Variants in CAMK2D observed in about 807,000 individuals in gnomAD.
CAMK2D encodes calcium/calmodulin-dependent protein kinase type II subunit delta.
A neutral mutation model predicts 84.0 loss-of-function variants in CAMK2D; 37 were observed. The ratio of observed to expected loss-of-function variants is 0.44; its 90% CI spans 0.34 to 0.58. The LOEUF (loss-of-function observed/expected upper bound fraction) is 0.58. CAMK2D is among the 20% of genes least tolerant of loss of function. CAMK2D has a pLI of 0.02. For synonymous variants in CAMK2D, 202 were observed against 212.5 expected, an observed-to-expected ratio of 0.95 and a Z score of 0.43; for missense variants, 448 against 652.5, an observed-to-expected ratio of 0.69 and a Z score of 3.41.
chr4:113,570,963 C>T (rs530531487), intron 4 of CAMK2D, among the ~76,000 whole-genome samples: 2 of 152,040 alleles, frequency 1.3e-5, no homozygotes, highest in Non-Finnish European at 2.9e-5. Context: ...AAACAAATAA[C>T]CTGATTAAAA....
In CAMK2D at chr4:113,571,949, C is replaced by T. The variant is rs574021836; in HGVS notation, c.276-19853G>A. On this transcript the variant is annotated intron_variant, in intron 4 of 20. Transcript: ENST00000511664. ...AAATTCAATTAACTCAAACAACATA[C>T]TCTCGAAAAACTTCAAGAGCCAACA... Among the ~76,000 whole-genome samples the T allele has an allele frequency of 3.9e-5, 6 of 152,278 alleles. No homozygotes were observed. In the South Asian group the frequency reaches 1.2e-3, roughly 32 times the overall value.
intron 2 of CAMK2D, among the ~76,000 whole-genome samples, chr4:113,751,235 C>A (rs932694773): frequency 2.6e-5 from 4 of 152,036 alleles, no homozygotes; most frequent in African/African-American, 7.3e-5. Flanking sequence ...TAACAAATAA[C>A]CCTCAGCAGA....
At position 113,461,216 on chromosome 4, in the gene CAMK2D, G is replaced by A. The variant is rs185683075; in HGVS notation, c.1212-975C>T. ...CCTAGAAATATGATTCAATAAAGGG[G>A]TGCACAATTTTAAATATTTGGAAAA... On this transcript the variant is annotated intron_variant, in intron 17 of 20. Coordinates refer to ENST00000511664, the MANE Select transcript of CAMK2D (RefSeq NM_001321571.2). Among the ~76,000 whole-genome samples, 1,030 of 152,204 alleles carry A rather than the reference G, an allele frequency of 6.8e-3. 7 individuals carry two copies. The highest frequency in any genetic ancestry group is 0.011 in the Non-Finnish European group (765 of 67,996).
At chr4:113,690,826 A>G (rs901155533) in intron 2 of CAMK2D, among the ~76,000 whole-genome samples, 1 of 152,234 alleles carries the variant, frequency 6.6e-6, no homozygotes, top group African/African-American at 2.4e-5. Flanking sequence ...CTAAAATTCA[A>G]AAATGGCTGT....
chr4:113,629,654 C>T (rs1026615914), intron 3 of CAMK2D, among the ~76,000 whole-genome samples: 11 of 151,226 alleles, frequency 7.3e-5, no homozygotes, highest in Non-Finnish European at 4.4e-5. Flanking sequence ...ATTTGTTATA[C>T]CTCTCTCAGT....
chr4:113,489,134 A>G (rs1437284393), intron 16 of CAMK2D, among the ~76,000 whole-genome samples: 1 of 151,136 alleles, frequency 6.6e-6, no homozygotes, highest in Non-Finnish European at 1.5e-5. Context: ...TGCGGACAGT[A>G]ATTTTTCTTT....
intron 6 of CAMK2D, among the ~76,000 whole-genome samples, chr4:113,539,588 A>G (rs555241228): frequency 3.3e-5 from 5 of 152,190 alleles, no homozygotes; most frequent in Admixed American, 6.6e-5. Flanking sequence ...TTTATCATGC[A>G]TATCCTCTGA....
intron 2 of CAMK2D, chr4:113,754,381 G>T: frequency 2.2e-5 from 22 of 980,816 alleles, no homozygotes; most frequent in Non-Finnish European, 2.5e-5. Context: ...AAAAAAGTTA[G>T]ATGCCCAAGA....
chr4:113,760,436 G>A (rs1376828748), intron 1 of CAMK2D, among the ~76,000 whole-genome samples: 2 of 152,170 alleles, frequency 1.3e-5, no homozygotes, highest in East Asian at 1.9e-4. Flanking sequence ...AAGGGGTTGG[G>A]TTCTGTTGGG....
chr4:113,641,997 C>T (rs183652353), intron 3 of CAMK2D, among the ~76,000 whole-genome samples: 35 of 151,120 alleles, frequency 2.3e-4, no homozygotes, highest in African/African-American at 6.8e-4. Context: ...GCAACAAGAG[C>T]GAAACTCAGT....
intron 3 of CAMK2D, among the ~76,000 whole-genome samples, chr4:113,630,152 A>C (rs1173241622): frequency 6.6e-6 from 1 of 152,210 alleles, no homozygotes; most frequent in Admixed American, 6.6e-5. Flanking sequence ...TTCAATGAAG[A>C]GAACTGTTTA....
intron 2 of CAMK2D, among the ~76,000 whole-genome samples, chr4:113,687,539 A>G (rs2099363439): frequency 6.6e-6 from 1 of 152,176 alleles, no homozygotes; most frequent in African/African-American, 2.4e-5. Flanking sequence ...CTGCCCTCCA[A>G]CTCGAAATCA....
intron 3 of CAMK2D, among the ~76,000 whole-genome samples, chr4:113,653,433 TAGAG>T (rs909934001): frequency 3.7e-4 from 56 of 152,190 alleles, no homozygotes; most frequent in African/African-American, 1.2e-3. Flanking sequence ...TTTAATCTGT[TAGAG>T]AGTCACTAGA....
intron 6 of CAMK2D, among the ~76,000 whole-genome samples, chr4:113,546,253 C>T (rs1314860803): frequency 6.6e-6 from 1 of 152,082 alleles, no homozygotes; most frequent in African/African-American, 2.4e-5. Context: ...TGAGAGGTAA[C>T]AAAAGGGGCT....
chr4:113,663,715 T>A (rs558030389), intron 2 of CAMK2D, among the ~76,000 whole-genome samples: 1 of 151,130 alleles, frequency 6.6e-6, no homozygotes, highest in East Asian at 1.9e-4. Context: ...GTGATTTTTT[T>A]ATATATATAA....
Position 113,465,385 on chromosome 4 carries a change from C to T in CAMK2D, c.1211+144G>A, listed in dbSNP as rs1305030789. On this transcript the variant is annotated intron_variant, in intron 17 of 20. Transcript: ENST00000511664. ...CTGAAATTTTTCTCTCCTAGGGGCA[C>T]TTAGTCATTTATGAAATAAAACTAT... 3 of 585,312 alleles carry T rather than the reference C, an allele frequency of 5.1e-6. No individual in the cohort carries two copies. In the African/African-American group the frequency reaches 5.8e-5, roughly 11 times the overall value. The allele number at this position is 585,312 out of a possible 1,614,324, so 36.3% of individuals were successfully genotyped here. A position where few individuals can be genotyped will look rare whatever the true frequency, so the allele number is the denominator to read the frequency against.
intron 2 of CAMK2D, among the ~76,000 whole-genome samples, chr4:113,687,977 TACAC>T (rs1359407983): frequency 6.6e-6 from 1 of 152,140 alleles, no homozygotes; most frequent in Admixed American, 6.5e-5. Flanking sequence ...CAAAATGAAA[TACAC>T]ACACGGAGAG....
chr4:113,743,861 A>G (rs1246350412), intron 2 of CAMK2D, among the ~76,000 whole-genome samples: 2 of 149,366 alleles, frequency 1.3e-5, no homozygotes, highest in Non-Finnish European at 3.0e-5. Context: ...TTTTTTTGAG[A>G]TAAGAGTCTC....
intron 2 of CAMK2D, among the ~76,000 whole-genome samples, chr4:113,695,255 A>G (rs1400829417): frequency 1.3e-5 from 1 of 75,172 alleles, no homozygotes; most frequent in Non-Finnish European, 2.4e-5. Flanking sequence ...TAAGGGGGGA[A>G]AAGGAATGAC....
Sources: allele counts gnomAD v4.1 joint callset (sites outside exome capture counted in the v4.1 genomes callset), GRCh38; gene constraint gnomAD v4.1.1; transcripts MANE v1.5; gene names NCBI Gene and HGNC (gene_info 2026-07-23, HGNC 2026-07-21).